Variants in GRIN2A observed in about 807,000 individuals in gnomAD.
GRIN2A encodes the protein glutamate ionotropic receptor NMDA type subunit 2A, also known as glutamate receptor ionotropic, NMDA 2A.
In GRIN2A, 22 loss-of-function variants were observed where a neutral mutation model predicts 113.4. The ratio of observed to expected loss-of-function variants is 0.19; its 90% CI spans 0.14 to 0.28. The LOEUF (loss-of-function observed/expected upper bound fraction) is 0.28, where lower values mean the gene tolerates loss of function less well. GRIN2A is among the 10% of genes least tolerant of loss of function. GRIN2A has a pLI of 1.00. For synonymous variants in GRIN2A, 827 were observed against 738.4 expected (o/e 1.12, Z -1.94); for missense variants, 1,502 against 1,887.0 (o/e 0.80, Z 3.78).
At chr16:10,063,824 C>G (rs553901063) in intron 2 of GRIN2A, among the ~76,000 whole-genome samples, 2 of 152,250 alleles carry the variant, frequency 1.3e-5, no homozygotes, top group African/African-American at 4.8e-5. Flanking sequence ...TCTAGACGTA[C>G]AGTAGCCTTC....
intron 2 of GRIN2A, among the ~76,000 whole-genome samples, chr16:10,140,369 C>G (rs966675708): frequency 2.6e-5 from 4 of 152,134 alleles, no homozygotes; most frequent in Non-Finnish European, 1.5e-5. Context: ...GCCCAAATCT[C>G]TTTCAAAGAT....
chr16:10,119,748 G>A (rs2048797481), intron 2 of GRIN2A, among the ~76,000 whole-genome samples: 1 of 151,944 alleles, frequency 6.6e-6, no homozygotes, highest in Admixed American at 6.6e-5. Context: ...CTCCGCCCTC[G>A]ATTAGAACTA....
intron 10 of GRIN2A, among the ~76,000 whole-genome samples, chr16:9,804,666 T>C (rs1156786112): frequency 1.3e-5 from 2 of 152,006 alleles, no homozygotes; most frequent in Admixed American, 1.3e-4. Flanking sequence ...GAGCGATCCC[T>C]CTTCTCCAAT....
chr16:10,094,369 C>T (rs1401171426), intron 2 of GRIN2A, among the ~76,000 whole-genome samples: 1 of 152,104 alleles, frequency 6.6e-6, no homozygotes, highest in Non-Finnish European at 1.5e-5. Context: ...GCTTCTTCAT[C>T]TATAGAATGT....
intron 2 of GRIN2A, among the ~76,000 whole-genome samples, chr16:10,092,579 G>A (rs746281880): frequency 5.3e-5 from 8 of 152,294 alleles, no homozygotes; most frequent in Non-Finnish European, 8.8e-5. Flanking sequence ...TCCTTACTAT[G>A]TGACATGCCC....
intron 2 of GRIN2A, among the ~76,000 whole-genome samples, chr16:9,959,972 C>A (rs912437287): frequency 1.3e-5 from 2 of 151,972 alleles, no homozygotes; most frequent in Non-Finnish European, 2.9e-5. Flanking sequence ...GATTTCATCT[C>A]AAAAAAACAA....
intron 3 of GRIN2A, among the ~76,000 whole-genome samples, chr16:9,931,363 T>C (rs890729845): frequency 8.5e-5 from 13 of 152,314 alleles, no homozygotes; most frequent in African/African-American, 2.9e-4. Context: ...AATGACCTGA[T>C]AGTTATTTGT....
chr16:9,783,717 G>C (rs1902058012), intron 11 of GRIN2A, among the ~76,000 whole-genome samples: 1 of 152,174 alleles, frequency 6.6e-6, no homozygotes, highest in Non-Finnish European at 1.5e-5. Context: ...GACCCCAACT[G>C]AGTGATTGGA....
At chr16:9,879,827 T>C (rs1364068824) in intron 4 of GRIN2A, among the ~76,000 whole-genome samples, 1 of 152,214 alleles carries the variant, frequency 6.6e-6, no homozygotes, top group East Asian at 1.9e-4. Context: ...TAATAAATGT[T>C]AAACAAATGT....
rs149757790 is a variant in GRIN2A at position 10,079,960 on chromosome 16, C to G, written c.414+100038G>C. ...CATGAGCACTTTGTATGAGAATGAG[C>G]AAGTTACCCTCTGTGCAATGCTGCT... On this transcript the variant is annotated intron_variant, in intron 2 of 12. Transcript: ENST00000330684. Among the ~76,000 whole-genome samples, 385 of 152,316 alleles carry G rather than the reference C, an allele frequency of 2.5e-3. 1 individual carries two copies. The highest frequency in any genetic ancestry group is 8.9e-3 in the African/African-American group (370 of 41,562).
At chr16:9,839,497 C>T (rs1023265446) in intron 7 of GRIN2A, among the ~76,000 whole-genome samples, 10 of 152,014 alleles carry the variant, frequency 6.6e-5, no homozygotes, top group Admixed American at 2.6e-4. Context: ...AAATATGATT[C>T]GATTAATTTT....
At chr16:10,057,893 A>C (rs2047481972) in intron 2 of GRIN2A, among the ~76,000 whole-genome samples, 1 of 152,242 alleles carries the variant, frequency 6.6e-6, no homozygotes, top group Non-Finnish European at 1.5e-5. Flanking sequence ...TTTATGTGCC[A>C]ACGACCACTT....
chr16:10,122,807 T>C (rs1487330493), intron 2 of GRIN2A, among the ~76,000 whole-genome samples: 1 of 152,002 alleles, frequency 6.6e-6, no homozygotes, highest in Non-Finnish European at 1.5e-5. Context: ...GACTCGGAAA[T>C]ACACAATATC....
intron 2 of GRIN2A, among the ~76,000 whole-genome samples, chr16:9,960,854 G>A (rs867187985): frequency 1.3e-5 from 2 of 152,268 alleles, no homozygotes; most frequent in Middle Eastern, 3.4e-3. Context: ...TCAAACTCCT[G>A]GACTAAAGTG....
chr16:9,874,939 T>A (rs2043334842), intron 4 of GRIN2A, among the ~76,000 whole-genome samples: 1 of 151,674 alleles, frequency 6.6e-6, no homozygotes, highest in East Asian at 2.0e-4. Context: ...TACAAAAAAA[T>A]TAGGCAGGTG....
At chr16:9,911,079 C>T (rs1054110683) in intron 3 of GRIN2A, among the ~76,000 whole-genome samples, 1 of 151,906 alleles carries the variant, frequency 6.6e-6, no homozygotes, top group African/African-American at 2.4e-5. Context: ...CAGAATTATC[C>T]AAAATAATGT....
At chr16:10,017,730 G>A (rs1024412566) in intron 2 of GRIN2A, among the ~76,000 whole-genome samples, 9 of 152,090 alleles carry the variant, frequency 5.9e-5, no homozygotes, top group African/African-American at 1.9e-4. Context: ...CTTCCTTTGG[G>A]TGCAACATTT....
chr16:9,926,925 G>GT (rs1333083707), intron 3 of GRIN2A, among the ~76,000 whole-genome samples: 4 of 67,584 alleles, frequency 5.9e-5, no homozygotes, highest in African/African-American at 4.8e-4. Flanking sequence ...AACACTCTAA[G>GT]TTTAAAAAAA....
In GRIN2A at chr16:9,898,800, T is replaced by G. The variant is rs13337801; in HGVS notation, c.1008-7700A>C. Among the ~76,000 whole-genome samples, 182 of 139,554 alleles carry G rather than the reference T, an allele frequency of 1.3e-3. 1 individual carries two copies. The highest frequency in any genetic ancestry group is 3.6e-3 in the African/African-American group (115 of 32,268). 91.6% of individuals were successfully genotyped at this position (139,554 alleles called of 152,430 possible). ...TCATTTTCACAGAGTGTTTTTTTTT[T>G]GTTTTTTTTTTTTCTCTTACAAGCA... On this transcript the variant is annotated intron_variant, in intron 3 of 12. Coordinates refer to ENST00000330684, the MANE Select transcript of GRIN2A (RefSeq NM_001134407.3).
Sources: gnomAD v4.1 joint callset for allele counts (sites outside exome capture counted in the v4.1 genomes callset) on GRCh38, gnomAD v4.1.1 for gene constraint, MANE v1.5 for transcripts, NCBI Gene and HGNC (gene_info 2026-07-23, HGNC 2026-07-21) for gene names.